The following ROBO2 variants were observed in gnomAD, a reference collection of about 807,000 sequenced individuals.
ROBO2 encodes roundabout homolog 2.
Under a neutral mutation model 160.8 loss-of-function variants are expected in ROBO2, and 53 were observed. That is an observed-to-expected ratio of 0.33 (90% CI 0.26 to 0.41). The LOEUF (loss-of-function observed/expected upper bound fraction) is 0.41, where lower values mean the gene tolerates loss of function less well. ROBO2 is among the 10% of genes least tolerant of loss of function. The pLI is 1.00. For missense variants in ROBO2, 1,577 were observed against 1,722.4 expected (o/e 0.92, Z 1.49); for synonymous variants, 664 against 611.7 (o/e 1.09, Z -1.26).
intron 2 of ROBO2, among the ~76,000 whole-genome samples, chr3:76,397,800 G>T (rs1394972332): frequency 6.6e-6 from 1 of 151,968 alleles, no homozygotes; most frequent in African/African-American, 2.4e-5. Flanking sequence ...AGTGAGAATG[G>T]CAATCATTAA....
intron 2 of ROBO2, among the ~76,000 whole-genome samples, chr3:76,232,181 G>A (rs1704659162): frequency 6.6e-6 from 1 of 152,088 alleles, no homozygotes; most frequent in Admixed American, 6.6e-5. Context: ...GCAGGGCCTA[G>A]ATTTTAACAT....
chr3:77,221,021 A>G (rs1008098358), intron 2 of ROBO2, among the ~76,000 whole-genome samples: 3 of 152,214 alleles, frequency 2.0e-5, no homozygotes, highest in Non-Finnish European at 2.9e-5. Flanking sequence ...TGTCCTTTAC[A>G]TATGTAATGG....
intron 2 of ROBO2, among the ~76,000 whole-genome samples, chr3:76,936,217 T>C (rs1459376309): frequency 3.3e-5 from 5 of 151,426 alleles, no homozygotes; most frequent in African/African-American, 1.2e-4. Context: ...AAAAAAAAAA[T>C]AGATGTATTT....
chr3:76,816,079 GAGA>G (rs1408360181), intron 2 of ROBO2, among the ~76,000 whole-genome samples: 1 of 152,060 alleles, frequency 6.6e-6, no homozygotes, highest in Non-Finnish European at 1.5e-5. Flanking sequence ...GATAACAGCA[GAGA>G]AGATTTTAAA....
intron 2 of ROBO2, among the ~76,000 whole-genome samples, chr3:76,680,042 GT>G (rs2092514744): frequency 6.6e-6 from 1 of 152,060 alleles, no homozygotes; most frequent in African/African-American, 2.4e-5. Context: ...ATATTGCTGT[GT>G]GCAGGTAATT....
intron 2 of ROBO2, among the ~76,000 whole-genome samples, chr3:77,403,445 A>G (rs1249463081): frequency 6.6e-6 from 1 of 152,086 alleles, no homozygotes; most frequent in Non-Finnish European, 1.5e-5. Flanking sequence ...TCCATGTGTA[A>G]GTGAGATCAC....
intron 2 of ROBO2, among the ~76,000 whole-genome samples, chr3:76,928,210 A>G (rs2077102664): frequency 6.6e-6 from 1 of 152,204 alleles, no homozygotes; most frequent in African/African-American, 2.4e-5. Flanking sequence ...GAATACAGAC[A>G]AAGAGAGCCA....
rs752796113 is a variant in ROBO2 at position 77,493,389 on chromosome 3, C to A, written c.806+7C>A. The A allele has an allele frequency of 6.2e-7, 1 of 1,613,548 alleles. No individual in the cohort carries two copies. The highest frequency in any genetic ancestry group is 1.1e-5 in the South Asian group (1 of 91,064). ...CAGACTTGCCAAGAGGAAGGTAAGACCAACATATGGATGGAAGATTGTTAG... is the reference window on the plus strand; with the variant it reads ...CAGACTTGCCAAGAGGAAGGTAAGAACAACATATGGATGGAAGATTGTTAG... On this transcript the variant is annotated splice_region_variant and intron_variant, in intron 5 of 25. Coordinates refer to ENST00000461745, the Ensembl canonical transcript of ROBO2.
At chr3:77,561,620 G>T (rs1233969062) in intron 9 of ROBO2, among the ~76,000 whole-genome samples, 1 of 151,996 alleles carries the variant, frequency 6.6e-6, no homozygotes, top group East Asian at 1.9e-4. Context: ...CGATGAAATG[G>T]CAAGTTTTTA....
At chr3:76,379,810 A>C (rs1242045727) in intron 2 of ROBO2, among the ~76,000 whole-genome samples, 2 of 152,212 alleles carry the variant, frequency 1.3e-5, no homozygotes, top group Non-Finnish European at 2.9e-5. Flanking sequence ...TGCTTTCAAC[A>C]ACCCAGATGA....
intron 2 of ROBO2, among the ~76,000 whole-genome samples, chr3:76,890,634 A>G (rs950767476): frequency 6.6e-6 from 1 of 152,172 alleles, no homozygotes; most frequent in African/African-American, 2.4e-5. Flanking sequence ...GGTGAATCCA[A>G]TAATTTTTCT....
intron 9 of ROBO2, among the ~76,000 whole-genome samples, chr3:77,559,002 AC>A (rs1204304266): frequency 6.6e-6 from 1 of 152,058 alleles, no homozygotes; most frequent in Admixed American, 6.6e-5. Flanking sequence ...CTTCCAATCA[AC>A]ATTATTCTTG....
intron 2 of ROBO2, among the ~76,000 whole-genome samples, chr3:76,162,889 C>T (rs1026702756): frequency 6.6e-6 from 1 of 151,846 alleles, no homozygotes; most frequent in African/African-American, 2.4e-5. Context: ...CACTGGAAGT[C>T]CAGATTATTT....
intron 2 of ROBO2, among the ~76,000 whole-genome samples, chr3:76,401,048 T>C (rs2077784008): frequency 6.6e-6 from 1 of 151,474 alleles, no homozygotes; most frequent in African/African-American, 2.4e-5. Context: ...AATATACCCA[T>C]GAGATTTTGC....
chr3:76,076,150 G>T (rs2068638539), intron 2 of ROBO2, among the ~76,000 whole-genome samples: 1 of 152,148 alleles, frequency 6.6e-6, no homozygotes, highest in African/African-American at 2.4e-5. Flanking sequence ...GGTTATAGGT[G>T]GGGTTTGAAT....
chr3:77,297,997 T>A (rs562293401), intron 2 of ROBO2, among the ~76,000 whole-genome samples: 2 of 152,192 alleles, frequency 1.3e-5, no homozygotes, highest in African/African-American at 4.8e-5. Flanking sequence ...AGTCCATCAG[T>A]GGATGGGCTA....
intron 2 of ROBO2, among the ~76,000 whole-genome samples, chr3:77,342,304 G>T (rs2067152626): frequency 6.6e-6 from 1 of 152,086 alleles, no homozygotes. Flanking sequence ...AAAGCTCTGG[G>T]CATCATTAAA....
At chr3:77,392,806 C>A (rs1020535021) in intron 2 of ROBO2, among the ~76,000 whole-genome samples, 1 of 152,070 alleles carries the variant, frequency 6.6e-6, no homozygotes, top group Admixed American at 6.6e-5. Context: ...GAAGCTATTT[C>A]TTTGTCTTTT....
chr3:76,340,897 T>G (rs1303003093), intron 2 of ROBO2, among the ~76,000 whole-genome samples: 1 of 152,150 alleles, frequency 6.6e-6, no homozygotes, highest in Non-Finnish European at 1.5e-5. Context: ...AATATCTTAA[T>G]AAAAATTCTT....
Sources: allele counts gnomAD v4.1 joint callset (sites outside exome capture counted in the v4.1 genomes callset), GRCh38; gene constraint gnomAD v4.1.1; transcripts MANE v1.5; gene names NCBI Gene and HGNC (gene_info 2026-07-23, HGNC 2026-07-21).